Variants in ADARB2 observed in about 807,000 individuals in gnomAD.
ADARB2 encodes the protein inactive double-stranded RNA-specific editase B2.
Under a neutral mutation model 62.2 loss-of-function variants are expected in ADARB2, and 25 were observed. The ratio of observed to expected loss-of-function variants is 0.40; its 90% CI spans 0.29 to 0.56. The LOEUF is 0.56. ADARB2 is among the 20% of genes least tolerant of loss of function. ADARB2 has a pLI of 0.43. For missense variants in ADARB2, 1,071 were observed against 1,077.4 expected (o/e 0.99, Z 0.08); for synonymous variants, 572 against 500.8 (o/e 1.14, Z -1.90).
At chr10:1,353,323 C>A (rs1832162525) in intron 3 of ADARB2, among the ~76,000 whole-genome samples, 1 of 152,214 alleles carries the variant, frequency 6.6e-6, no homozygotes, top group East Asian at 1.9e-4. Context: ...TCTCTCCTAG[C>A]CGCTTCTAAT....
chr10:1,607,046 G>A (rs1003962127), intron 1 of ADARB2, among the ~76,000 whole-genome samples: 3 of 152,184 alleles, frequency 2.0e-5, no homozygotes, highest in Non-Finnish European at 4.4e-5. Context: ...AAAATATAAT[G>A]TCTAATCTGG....
intron 1 of ADARB2, among the ~76,000 whole-genome samples, chr10:1,512,837 C>A (rs1322297120): frequency 6.6e-6 from 1 of 152,174 alleles, no homozygotes; most frequent in Non-Finnish European, 1.5e-5. Flanking sequence ...AGGGACACAT[C>A]TGGAGTCTGT....
intron 1 of ADARB2, among the ~76,000 whole-genome samples, chr10:1,667,188 C>T (rs1834326538): frequency 6.6e-6 from 1 of 152,178 alleles, no homozygotes; most frequent in South Asian, 2.1e-4. Context: ...AATGATGAAT[C>T]AAACATTAAG....
chr10:1,286,135 G>T lies in ADARB2; in HGVS notation c.1078-15066C>A, dbSNP rs1831411574. 2.6e-5 allele frequency among the ~76,000 whole-genome samples: 4 copies of T among 152,308 alleles called. No homozygotes were observed. The South Asian group carries it at 8.3e-4, about 32-fold the overall frequency. ...GAGAGCCAAGAGGGGGCTTGGGAGT[G>T]CAGATGGCAGAGGGACGCAGGGCCA... is the stretch of plus-strand genomic sequence containing the variant. On this transcript the variant is annotated intron_variant, in intron 3 of 9. Transcript: ENST00000381312.
At chr10:1,497,348 T>C (rs1420774594) in intron 1 of ADARB2, among the ~76,000 whole-genome samples, 1 of 152,222 alleles carries the variant, frequency 6.6e-6, no homozygotes, top group Non-Finnish European at 1.5e-5. Flanking sequence ...GCCTTCATCA[T>C]ATGAAATATT....
chr10:1,715,959 T>G (rs1835011735), intron 1 of ADARB2, among the ~76,000 whole-genome samples: 1 of 152,230 alleles, frequency 6.6e-6, no homozygotes, highest in Admixed American at 6.5e-5. Context: ...GCTAACTTGG[T>G]GCACCCTGTT....
At chr10:1,300,216 T>G (rs1831560960) in intron 3 of ADARB2, among the ~76,000 whole-genome samples, 1 of 152,256 alleles carries the variant, frequency 6.6e-6, no homozygotes, top group African/African-American at 2.4e-5. Flanking sequence ...TTCCAAACCC[T>G]TTTAGCCTTG....
intron 1 of ADARB2, among the ~76,000 whole-genome samples, chr10:1,670,403 A>G (rs1487569912): frequency 6.6e-6 from 1 of 152,234 alleles, no homozygotes; most frequent in African/African-American, 2.4e-5. Context: ...CATTATTTCA[A>G]AACATTCAGA....
intron 2 of ADARB2, among the ~76,000 whole-genome samples, chr10:1,368,040 TG>T (rs1421843031): frequency 6.6e-6 from 1 of 152,172 alleles, no homozygotes; most frequent in East Asian, 1.9e-4. Flanking sequence ...GATTAGGGTT[TG>T]GAATCCTCTG....
At chr10:1,633,913 G>A (rs1266450075) in intron 1 of ADARB2, among the ~76,000 whole-genome samples, 10 of 152,112 alleles carry the variant, frequency 6.6e-5, no homozygotes, top group Admixed American at 2.0e-4. Context: ...ATGTGAACCC[G>A]CATGTCCAGG....
intron 7 of ADARB2, among the ~76,000 whole-genome samples, chr10:1,203,293 A>AT (rs1197470021): frequency 5.3e-5 from 8 of 152,314 alleles, no homozygotes; most frequent in African/African-American, 1.9e-4. Context: ...CAACCTGCTC[A>AT]CTGAGTCCAG....
chr10:1,527,882 C>T (rs1832169540), intron 1 of ADARB2, among the ~76,000 whole-genome samples: 1 of 152,162 alleles, frequency 6.6e-6, no homozygotes. Context: ...TTGCTGTCAT[C>T]AACATTCATA....
At chr10:1,637,436 T>C (rs1833929781) in intron 1 of ADARB2, among the ~76,000 whole-genome samples, 1 of 152,222 alleles carries the variant, frequency 6.6e-6, no homozygotes, top group Non-Finnish European at 1.5e-5. Flanking sequence ...CATTATACTC[T>C]TGAAAAGCAA....
rs368891091 is a variant in ADARB2, at chr10:1,524,642, T to TATG, written c.101-145483_101-145482insCAT. On this transcript the variant is annotated intron_variant, in intron 1 of 9. Transcript: ENST00000381312. ...GGAATCTATTTCTGAGTGTTTGCTG[T>TATG]AGGCAGACACTTTCCTCATCTCCAC... 1.5e-3 allele frequency among the ~76,000 whole-genome samples: 236 copies of TATG among 152,336 alleles called. 3 individuals are homozygous for TATG. Among genetic ancestry groups the TATG allele is most frequent in the African/African-American group, 5.6e-3 (231 of 41,574 alleles).
intron 1 of ADARB2, among the ~76,000 whole-genome samples, chr10:1,642,201 A>C (rs1448957378): frequency 6.7e-6 from 1 of 148,954 alleles, no homozygotes; most frequent in Non-Finnish European, 1.5e-5. Context: ...GTGAGGTCAT[A>C]AACTTCAAAA....
intron 1 of ADARB2, chr10:1,674,967 T>C (rs1834443447): frequency 1.0e-6 from 1 of 976,422 alleles, no homozygotes; most frequent in Non-Finnish European, 1.2e-6. Flanking sequence ...ACGGATATTC[T>C]GGAGGTTTGG....
intron 1 of ADARB2, among the ~76,000 whole-genome samples, chr10:1,607,304 G>A (rs1833506018): frequency 6.6e-6 from 1 of 152,188 alleles, no homozygotes; most frequent in African/African-American, 2.4e-5. Flanking sequence ...GGCTAGAGAG[G>A]ACCCGGTTCT....
intron 1 of ADARB2, among the ~76,000 whole-genome samples, chr10:1,520,836 A>G (rs536808675): frequency 1.6e-4 from 24 of 152,346 alleles, no homozygotes; most frequent in Non-Finnish European, 2.9e-4. Flanking sequence ...ACATGTTGAT[A>G]TCAAATGATA....
chr10:1,319,845 G>T (rs1020722173), intron 3 of ADARB2, among the ~76,000 whole-genome samples: 3 of 152,198 alleles, frequency 2.0e-5, no homozygotes, highest in Non-Finnish European at 2.9e-5. Flanking sequence ...TCGCCATGTT[G>T]TCTTTTCCTT....
Sources: gnomAD v4.1 joint callset for allele counts (sites outside exome capture counted in the v4.1 genomes callset) on GRCh38, gnomAD v4.1.1 for gene constraint, MANE v1.5 for transcripts, NCBI Gene and HGNC (gene_info 2026-07-23, HGNC 2026-07-21) for gene names.